The following PKHD1 variants were observed in gnomAD, a reference collection of about 807,000 sequenced individuals.
PKHD1 encodes fibrocystin.
In PKHD1, 291 loss-of-function variants were observed where a neutral mutation model predicts 412.0. The ratio of observed to expected loss-of-function variants is 0.71; its 90% CI spans 0.64 to 0.78. PKHD1 has a LOEUF of 0.78. PKHD1 is among the 30% of genes least tolerant of loss of function. PKHD1 has a pLI of 0.00. For synonymous variants in PKHD1, 1,777 were observed against 1,821.5 expected, an observed-to-expected ratio of 0.98 and a Z score of 0.62; for missense variants, 4,825 against 4,950.7, an observed-to-expected ratio of 0.97 and a Z score of 0.76.
Position 52,024,948 on chromosome 6 carries a change from T to C in PKHD1, c.4862A>G (p.Glu1621Gly). ...QTCLTVNIGA[E>G]LIRCIVPTGN... Reference sequence around the variant, plus strand: ...TGTGGGAACAATGCACCGGATGAGCTCAGCACCGATGTTCACCGTCAGGCA... The same window carrying C: ...TGTGGGAACAATGCACCGGATGAGCCCAGCACCGATGTTCACCGTCAGGCA... The change falls in exon 32 of 67, where the codon GAG (glutamate) becomes GGG (glycine). Residue 1621 changes from glutamate (E) to glycine (G), a missense_variant. Physicochemically the swap from Glu to Gly is moderately conservative, Grantham distance 98 (BLOSUM62 -2). Transcript: ENST00000371117. 6.2e-7 allele frequency: 1 copy of C among 1,614,166 alleles called. No homozygotes were observed. Among genetic ancestry groups the C allele is most frequent in the Non-Finnish European group, 8.5e-7 (1 of 1,180,030 alleles).
chr6:51,694,975 T>C (rs1778625899), intron 60 of PKHD1, among the ~76,000 whole-genome samples: 2 of 152,056 alleles, frequency 1.3e-5, no homozygotes, highest in South Asian at 2.1e-4. Context: ...TCTGCTGGGA[T>C]CTATGAATAA....
chr6:51,845,977 T>A (rs1382858562), intron 50 of PKHD1, among the ~76,000 whole-genome samples: 1 of 152,308 alleles, frequency 6.6e-6, no homozygotes, highest in East Asian at 1.9e-4. Flanking sequence ...AAAATTTTGT[T>A]CCAGAATACA....
intron 35 of PKHD1, among the ~76,000 whole-genome samples, chr6:52,009,523 G>C (rs1056386406): frequency 6.6e-6 from 1 of 152,158 alleles, no homozygotes; most frequent in Admixed American, 6.5e-5. Flanking sequence ...AGAAAAATCT[G>C]AGAACTGCTT....
chr6:51,764,397 T>C (rs1452592345), intron 55 of PKHD1, among the ~76,000 whole-genome samples: 3 of 147,444 alleles, frequency 2.0e-5, no homozygotes, highest in Admixed American at 6.9e-5. Context: ...TGGCAATCAT[T>C]AAAAAGTCAG....
chr6:51,868,110 C>G lies in PKHD1; in HGVS notation c.7487-1G>C. ...TGGCTGGTCTTCACAGTAAATCCAC[C>G]TATAAATTGGAAAACAGAAAGATTA... On this transcript the variant is annotated splice_acceptor_variant, in intron 47 of 66. Transcript: ENST00000371117. LOFTEE classifies it high-confidence loss of function. 6.2e-7 allele frequency: 1 copy of G among 1,610,448 alleles called. No individual in the cohort carries two copies. Among genetic ancestry groups the G allele is most frequent in the Non-Finnish European group, 8.5e-7 (1 of 1,176,932 alleles).
intron 60 of PKHD1, among the ~76,000 whole-genome samples, chr6:51,677,869 C>T (rs1024783092): frequency 2.0e-5 from 3 of 150,096 alleles, no homozygotes; most frequent in African/African-American, 7.3e-5. Flanking sequence ...TTTTTAAATT[C>T]AAAAAAAAAT....
chr6:52,027,173 GT>G (rs1375892305), intron 31 of PKHD1, among the ~76,000 whole-genome samples: 3 of 152,130 alleles, frequency 2.0e-5, no homozygotes, highest in Non-Finnish European at 4.4e-5. Context: ...TGTTGCCCTT[GT>G]TTTTCTCATA....
At chr6:52,027,925 AT>A in intron 30 of PKHD1, 29 bp from the exon 31 acceptor site, 1 of 1,545,488 alleles carries the variant, frequency 6.5e-7, no homozygotes, top group Non-Finnish European at 9.0e-7. Context: ...TGTTTAGGAA[AT>A]AACTGACAGA....
chr6:52,082,549 C>T lies in PKHD1; in HGVS notation c.131-7G>A, dbSNP rs2128243650. ...AGAACACCCAACTCCAAACCTAACA[C>T]AAGGGAAAGAAATCTCAGGCTGCAT... On this transcript the variant is annotated splice_polypyrimidine_tract_variant and splice_region_variant and intron_variant, in intron 3 of 66. Coordinates refer to ENST00000371117, the MANE Select transcript of PKHD1 (RefSeq NM_138694.4). 1 of 1,613,882 alleles carries T rather than the reference C, an allele frequency of 6.2e-7. No individual in the cohort carries two copies. The highest frequency in any genetic ancestry group is 8.5e-7 in the Non-Finnish European group (1 of 1,179,804).
chr6:51,909,639 T>A (rs1782665544), intron 39 of PKHD1, among the ~76,000 whole-genome samples, 165 bp from the exon 40 acceptor site: 1 of 152,146 alleles, frequency 6.6e-6, no homozygotes, highest in South Asian at 2.1e-4. Context: ...TGTATATTAT[T>A]AATTAAAAGA....
chr6:51,916,781 G>A (rs892926308), intron 37 of PKHD1, among the ~76,000 whole-genome samples: 23 of 152,012 alleles, frequency 1.5e-4, no homozygotes, highest in African/African-American at 4.1e-4. Flanking sequence ...ATAAAACTAC[G>A]CATAAAAAGC....
At chr6:52,048,413 C>G (rs1031720641) in intron 23 of PKHD1, 79 bp downstream of exon 23, 1 of 1,341,276 alleles carries the variant, frequency 7.5e-7, no homozygotes, top group Non-Finnish European at 1.1e-6. Context: ...GTCTGACAAC[C>G]TCCCAGGATG....
chr6:51,805,624 G>A (rs1197510032), intron 52 of PKHD1, among the ~76,000 whole-genome samples: 1 of 152,190 alleles, frequency 6.6e-6, no homozygotes, highest in Non-Finnish European at 1.5e-5. Context: ...GGCAGGGCTA[G>A]AAAGGCGGGC....
At chr6:51,681,737 G>C (rs938608650) in intron 60 of PKHD1, among the ~76,000 whole-genome samples, 2 of 151,958 alleles carry the variant, frequency 1.3e-5, no homozygotes, top group African/African-American at 4.8e-5. Context: ...CAAGCCACAG[G>C]CCAAATCAGG....
At chr6:51,934,922 A>T (rs1162225764) in intron 36 of PKHD1, among the ~76,000 whole-genome samples, 1 of 152,144 alleles carries the variant, frequency 6.6e-6, no homozygotes, top group Non-Finnish European at 1.5e-5. Flanking sequence ...GGGCTTTAAG[A>T]GAAATATGGA....
chr6:52,071,757 T>C lies in PKHD1; in HGVS notation c.602+358A>G, dbSNP rs181551413. Among the ~76,000 whole-genome samples, 404 of 152,312 alleles carry C rather than the reference T, an allele frequency of 2.7e-3. 1 individual carries two copies. Among genetic ancestry groups the C allele is most frequent in the African/African-American group, 9.0e-3 (376 of 41,580 alleles). On this transcript the variant is annotated intron_variant, in intron 8 of 66. Transcript: ENST00000371117. The stretch of plus-strand genomic sequence containing the variant: ...CCTTGTGCAAGTTACTTAACTTTTC[T>C]GTGTCTCAAATTCCTCATCTATAAT...
chr6:51,848,003 T>C (rs781086253), intron 49 of PKHD1, 33 bp from the exon 50 acceptor site: 1 of 1,469,488 alleles, frequency 6.8e-7, no homozygotes, highest in Non-Finnish European at 9.5e-7. Context: ...ATAGTGCTCA[T>C]TTAGTAAGGA....
At chr6:51,698,473 G>C (rs990483159) in intron 60 of PKHD1, among the ~76,000 whole-genome samples, 2 of 152,046 alleles carry the variant, frequency 1.3e-5, no homozygotes, top group African/African-American at 4.8e-5. Flanking sequence ...TGCTTTACAA[G>C]AAAGAGTTAA....
At position 51,976,944 on chromosome 6, in the gene PKHD1, T is replaced by TAAAAAAAAAAAAAAAAAA. The variant is rs10671492; in HGVS notation, c.5752-16936_5752-16919dup. Among the ~76,000 whole-genome samples the TAAAAAAAAAAAAAAAAAA allele has an allele frequency of 9.7e-4, 91 of 93,508 alleles. 3 individuals carry two copies. Among genetic ancestry groups the TAAAAAAAAAAAAAAAAAA allele is most frequent in the African/African-American group, 3.8e-3 (83 of 21,900 alleles). The allele number at this position is 93,508 out of a possible 152,430, so 61.3% of individuals were successfully genotyped here. A position where few individuals can be genotyped will look rare whatever the true frequency, so the allele number is the denominator to read the frequency against. On this transcript the variant is annotated intron_variant, in intron 35 of 66. Transcript: ENST00000371117. ...GCCTGGGTGATAGAGTGAGACTCCA[T>TAAAAAAAAAAAAAAAAAA]AAAAAAAAAAAAAAAAAAAACCTGA...
Sources: gnomAD v4.1 joint callset for allele counts (sites outside exome capture counted in the v4.1 genomes callset) on GRCh38, gnomAD v4.1.1 for gene constraint, MANE v1.5 for transcripts, NCBI Gene and HGNC (gene_info 2026-07-23, HGNC 2026-07-21) for gene names.